Variants in SLC24A2 observed in about 807,000 individuals in gnomAD.
SLC24A2 encodes sodium/potassium/calcium exchanger 2.
SLC24A2 carries 36 observed loss-of-function variants against 62.0 expected under a neutral mutation model. The ratio of observed to expected loss-of-function variants is 0.58; its 90% confidence interval spans 0.44 to 0.77. The LOEUF (loss-of-function observed/expected upper bound fraction) is 0.77. Ranked by LOEUF, SLC24A2 falls within the 30% of genes least tolerant of loss-of-function variation. The pLI is 0.00. For synonymous variants in SLC24A2, 358 were observed against 294.0 expected, an observed-to-expected ratio of 1.22 and a Z score of -2.23; for missense variants, 846 against 817.9, an observed-to-expected ratio of 1.03 and a Z score of -0.42.
the SLC24A2 span, among the ~76,000 whole-genome samples, chr9:20,096,503 A>G: frequency 2.0e-5 from 3 of 151,872 alleles, no homozygotes; most frequent in Admixed American, 2.0e-4. Context: ...TGTTATACTA[A>G]TCTTTCTATA....
At chr9:19,898,874 T>C in the SLC24A2 span, among the ~76,000 whole-genome samples, 1 of 152,030 alleles carries the variant, frequency 6.6e-6, no homozygotes, top group African/African-American at 2.4e-5. Context: ...AAGCATATGA[T>C]AAGTTTATTC....
At chr9:19,525,506 T>C (rs1833405031) in intron 9 of SLC24A2, among the ~76,000 whole-genome samples, 1 of 148,318 alleles carries the variant, frequency 6.7e-6, no homozygotes, top group Admixed American at 7.0e-5. Context: ...TGGGATCAAA[T>C]GATCCTCCCC....
rs528214431 is a variant in SLC24A2 at position 19,598,217 on chromosome 9, T to C, written c.1079-938A>G. Among the ~76,000 whole-genome samples the C allele has an allele frequency of 2.0e-5, 3 of 152,342 alleles. No individual in the cohort carries two copies. In the South Asian group the frequency reaches 6.2e-4, roughly 32 times the overall value. ...AGGTTAAAAATATATTTTCTGGTCA[T>C]AACACCACTCTCCCAATAAACTTCA... On this transcript the variant is annotated intron_variant, in intron 4 of 10. Coordinates refer to ENST00000341998, the MANE Select transcript of SLC24A2 (RefSeq NM_020344.4).
At chr9:19,983,140 G>C in the SLC24A2 span, among the ~76,000 whole-genome samples, 1 of 152,054 alleles carries the variant, frequency 6.6e-6, no homozygotes, top group Non-Finnish European at 1.5e-5. Context: ...ATTCAACATT[G>C]TACTGGAAGT....
chr9:20,065,346 G>A, the SLC24A2 span, among the ~76,000 whole-genome samples: 1 of 152,176 alleles, frequency 6.6e-6, no homozygotes, highest in Non-Finnish European at 1.5e-5. Flanking sequence ...GCTGGGACAG[G>A]TTCCCATCTC....
chr9:19,919,024 G>T, the SLC24A2 span, among the ~76,000 whole-genome samples: 1 of 152,196 alleles, frequency 6.6e-6, no homozygotes, highest in Non-Finnish European at 1.5e-5. Flanking sequence ...TAAATTAAAT[G>T]AAGGTTGGAG....
intron 2 of SLC24A2, among the ~76,000 whole-genome samples, chr9:19,770,873 T>C (rs1822665880): frequency 6.6e-6 from 1 of 152,224 alleles, no homozygotes; most frequent in Non-Finnish European, 1.5e-5. Flanking sequence ...AAAACAGCTC[T>C]TTAAATTTCT....
At chr9:19,725,193 G>A (rs987238163) in intron 2 of SLC24A2, among the ~76,000 whole-genome samples, 2 of 152,160 alleles carry the variant, frequency 1.3e-5, no homozygotes, top group African/African-American at 4.8e-5. Flanking sequence ...CAGAGATACC[G>A]CTAAAGATCC....
the SLC24A2 span, among the ~76,000 whole-genome samples, chr9:20,226,090 T>C: frequency 6.6e-6 from 1 of 152,124 alleles, no homozygotes; most frequent in East Asian, 1.9e-4. Context: ...TCAACCACAT[T>C]GGAGAAAGTT....
the SLC24A2 span, among the ~76,000 whole-genome samples, chr9:19,847,005 G>A: frequency 1.3e-5 from 2 of 152,090 alleles, no homozygotes; most frequent in Non-Finnish European, 2.9e-5. Context: ...CTGGGTGACA[G>A]AGCAAAATCC....
At chr9:19,552,014 A>T (rs1406034534) in intron 7 of SLC24A2, among the ~76,000 whole-genome samples, 1 of 152,226 alleles carries the variant, frequency 6.6e-6, no homozygotes, top group African/African-American at 2.4e-5. Context: ...GTGGAATTAA[A>T]GGGATTAGGT....
chr9:20,252,944 C>G, the SLC24A2 span, among the ~76,000 whole-genome samples: 2 of 152,202 alleles, frequency 1.3e-5, no homozygotes, highest in African/African-American at 4.8e-5. Context: ...GCTTCTCTGA[C>G]CTTCCAATGG....
chr9:20,082,771 C>T, the SLC24A2 span, among the ~76,000 whole-genome samples: 1 of 152,218 alleles, frequency 6.6e-6, no homozygotes, highest in Non-Finnish European at 1.5e-5. Flanking sequence ...GAATTGATTT[C>T]AAATTATTTC....
chr9:19,875,496 AC>A, the SLC24A2 span, among the ~76,000 whole-genome samples: 3 of 152,182 alleles, frequency 2.0e-5, no homozygotes, highest in Non-Finnish European at 4.4e-5. Flanking sequence ...CAAAGCATCA[AC>A]CCAGATGTGT....
chr9:19,976,627 C>G, the SLC24A2 span, among the ~76,000 whole-genome samples: 1 of 152,068 alleles, frequency 6.6e-6, no homozygotes, highest in Non-Finnish European at 1.5e-5. Context: ...TGAAAACAGA[C>G]TAATAATTAT....
the SLC24A2 span, among the ~76,000 whole-genome samples, chr9:20,095,381 G>A: frequency 1.3e-5 from 2 of 152,124 alleles, no homozygotes; most frequent in Non-Finnish European, 2.9e-5. Context: ...CATTATTCTG[G>A]GTGTTTCTGT....
rs1009772655 is a variant in SLC24A2 at position 19,513,105 on chromosome 9, G to C, written c.*3048C>G. 4 of 147,536 alleles carry C rather than the reference G, an allele frequency of 2.7e-5. No individual in the cohort carries two copies. Among genetic ancestry groups the C allele is most frequent in the Non-Finnish European group, 5.9e-5 (4 of 67,576 alleles). The allele number at this position is 147,536 out of a possible 1,614,324, so 9.1% of individuals were successfully genotyped here. A position where few individuals can be genotyped will look rare whatever the true frequency, so the allele number is the denominator to read the frequency against. On this transcript the variant is annotated 3_prime_UTR_variant, in exon 11 of 11. Coordinates refer to ENST00000341998, the MANE Select transcript of SLC24A2 (RefSeq NM_020344.4). ...ATCCTGAATGTGATAGGGTCAGAGG[G>C]TGATGATGTAAGTCATATTATATGT...
At chr9:19,648,212 AAAC>A (rs1388971801) in intron 2 of SLC24A2, among the ~76,000 whole-genome samples, 1 of 152,232 alleles carries the variant, frequency 6.6e-6, no homozygotes, top group African/African-American at 2.4e-5. Flanking sequence ...CAGCAAGGTT[AAAC>A]AACATGTTCA....
At chr9:19,858,374 A>G in the SLC24A2 span, among the ~76,000 whole-genome samples, 91 of 152,346 alleles carry the variant, frequency 6.0e-4, no homozygotes, top group Middle Eastern at 6.8e-3. Flanking sequence ...TTAAAGACCT[A>G]AATATAAAAC....
Sources: allele counts gnomAD v4.1 joint callset (sites outside exome capture counted in the v4.1 genomes callset), GRCh38; gene constraint gnomAD v4.1.1; transcripts MANE v1.5; gene names NCBI Gene and HGNC (gene_info 2026-07-23, HGNC 2026-07-21).